ARHGAP26: variants seen among roughly 807,000 people sequenced by gnomAD.
ARHGAP26 encodes the protein Rho GTPase activating protein 26, also known as rho GTPase-activating protein 26.
In ARHGAP26, 38 loss-of-function variants were observed where a neutral mutation model predicts 104.8. The ratio of observed to expected loss-of-function variants is 0.36; its 90% CI spans 0.28 to 0.48. The LOEUF (loss-of-function observed/expected upper bound fraction) is 0.48, where lower values mean the gene tolerates loss of function less well. Ranked by LOEUF, ARHGAP26 falls within the 20% of genes least tolerant of loss-of-function variation. The pLI is 0.99. For synonymous variants in ARHGAP26, 341 were observed against 340.0 expected, an observed-to-expected ratio of 1.00 and a Z score of -0.03; for missense variants, 704 against 947.9, an observed-to-expected ratio of 0.74 and a Z score of 3.38.
At chr5:143,073,500 G>A (rs1303385635) in intron 17 of ARHGAP26, among the ~76,000 whole-genome samples, 1 of 152,176 alleles carries the variant, frequency 6.6e-6, no homozygotes, top group Non-Finnish European at 1.5e-5. Context: ...TATGGAAAAG[G>A]CACTGACTTA....
At chr5:142,808,650 T>A (rs1156413062) in intron 1 of ARHGAP26, among the ~76,000 whole-genome samples, 2 of 152,114 alleles carry the variant, frequency 1.3e-5, no homozygotes, top group East Asian at 3.9e-4. Flanking sequence ...AGGCTGGACA[T>A]TGACAATGAG....
chr5:142,855,532 G>C (rs529553877), intron 1 of ARHGAP26, among the ~76,000 whole-genome samples: 2 of 152,242 alleles, frequency 1.3e-5, no homozygotes, highest in Non-Finnish European at 1.5e-5. Flanking sequence ...TTATGCACTA[G>C]GCCTATATCC....
intron 1 of ARHGAP26, among the ~76,000 whole-genome samples, chr5:142,856,620 G>C (rs963063955): frequency 4.6e-5 from 7 of 152,120 alleles, no homozygotes; most frequent in African/African-American, 1.7e-4. Context: ...AGTCAACTGC[G>C]GATGGAGAAT....
chr5:142,991,834 C>G (rs1049539411), intron 11 of ARHGAP26, among the ~76,000 whole-genome samples: 24 of 152,136 alleles, frequency 1.6e-4, no homozygotes, highest in African/African-American at 5.8e-4. Flanking sequence ...AATTGCCTAA[C>G]AACGCATTTC....
intron 20 of ARHGAP26, among the ~76,000 whole-genome samples, chr5:143,190,543 A>G (rs1805789574): frequency 6.6e-6 from 1 of 150,968 alleles, no homozygotes; most frequent in African/African-American, 2.5e-5. Context: ...TCTCAAATGA[A>G]AGTGAAATAA....
chr5:143,112,467 C>A (rs1382742439), intron 17 of ARHGAP26, among the ~76,000 whole-genome samples: 1 of 151,636 alleles, frequency 6.6e-6, no homozygotes, highest in Non-Finnish European at 1.5e-5. Flanking sequence ...TTTGTTGTTA[C>A]TGTAAAATAC....
At chr5:142,778,657 GA>G (rs907886377) in intron 1 of ARHGAP26, among the ~76,000 whole-genome samples, 39 of 152,278 alleles carry the variant, frequency 2.6e-4, no homozygotes, top group Non-Finnish European at 5.0e-4. Flanking sequence ...TTCACTATTA[GA>G]AGGCGTGCTG....
Position 143,222,363 on chromosome 5 carries a change from C to A in ARHGAP26, c.2197C>A (p.Pro733Thr). The change falls in exon 23 of 23, where the codon CCA (proline) becomes ACA (threonine). Residue 733 changes from proline (P) to threonine (T), a missense_variant. This residue lies in a region of ARHGAP26 where 217 missense variants were observed against 242.6 expected (regional missense o/e 0.89). Coordinates refer to ENST00000645722, the MANE Select transcript of ARHGAP26 (RefSeq NM_001135608.3). ...TCTCTCCCCTTCCTGTACAGTTCACCCATCTCAGGAGCCTGGCTGGTTGGA... is the reference window on the plus strand; with the variant it reads ...TCTCTCCCCTTCCTGTACAGTTCACACATCTCAGGAGCCTGGCTGGTTGGA... ...TAGTVFDNVH[P>T]SQEPGWLEGT... The A allele has an allele frequency of 6.3e-7, 1 of 1,595,348 alleles. No homozygotes were observed.
chr5:142,820,770 A>G (rs1271904254), intron 1 of ARHGAP26, among the ~76,000 whole-genome samples: 1 of 152,180 alleles, frequency 6.6e-6, no homozygotes, highest in African/African-American at 2.4e-5. Flanking sequence ...AGAATGAAAC[A>G]TTTTTAAGCA....
chr5:142,963,756 T>C (rs1027935112), intron 11 of ARHGAP26, among the ~76,000 whole-genome samples: 3 of 152,230 alleles, frequency 2.0e-5, no homozygotes, highest in African/African-American at 7.2e-5. Context: ...GCTTATCTTC[T>C]GTGCAGCCCA....
At chr5:143,104,077 C>T (rs1793658160) in intron 17 of ARHGAP26, among the ~76,000 whole-genome samples, 1 of 149,168 alleles carries the variant, frequency 6.7e-6, no homozygotes, top group Non-Finnish European at 1.5e-5. Context: ...TTCAAAATAG[C>T]AATACCTTAT....
At chr5:143,209,909 G>A (rs258815) in intron 21 of ARHGAP26, among the ~76,000 whole-genome samples, 49,164 of 152,060 alleles carry the variant, frequency 0.32, 8,837 homozygotes, top group East Asian at 0.68. Flanking sequence ...ACACTGTAGT[G>A]TATAGCAAAG....
At chr5:143,042,484 T>G (rs1184234732) in intron 14 of ARHGAP26, among the ~76,000 whole-genome samples, 1 of 152,222 alleles carries the variant, frequency 6.6e-6, no homozygotes, top group African/African-American at 2.4e-5. Context: ...ATGTGCAGTA[T>G]TTGAATCAAA....
intron 11 of ARHGAP26, among the ~76,000 whole-genome samples, chr5:142,955,298 C>T (rs1023044545): frequency 6.6e-6 from 1 of 151,596 alleles, no homozygotes; most frequent in African/African-American, 2.4e-5. Flanking sequence ...GAGACCCTGT[C>T]TCAAAAAAAA....
chr5:142,933,597 G>A (rs1334068093), intron 11 of ARHGAP26, among the ~76,000 whole-genome samples: 1 of 152,154 alleles, frequency 6.6e-6, no homozygotes, highest in Non-Finnish European at 1.5e-5. Flanking sequence ...TTCCCACATT[G>A]CTCCAGTCAT....
At chr5:143,186,029 G>T (rs1805083908) in intron 20 of ARHGAP26, among the ~76,000 whole-genome samples, 2 of 152,160 alleles carry the variant, frequency 1.3e-5, no homozygotes, top group Admixed American at 6.5e-5. Flanking sequence ...AGAGGCCATG[G>T]CTCAGAAGGA....
intron 6 of ARHGAP26, among the ~76,000 whole-genome samples, chr5:142,899,621 C>T (rs538263198): frequency 1.3e-5 from 2 of 152,116 alleles, no homozygotes; most frequent in South Asian, 4.1e-4. Flanking sequence ...AGACAGCTCC[C>T]CCATCTCTGG....
chr5:143,161,442 T>C (rs975492588), intron 20 of ARHGAP26, among the ~76,000 whole-genome samples: 1 of 152,224 alleles, frequency 6.6e-6, no homozygotes, highest in Non-Finnish European at 1.5e-5. Context: ...AGTTCAATTA[T>C]GTTGAGCTAT....
chr5:142,976,554 G>A (rs1357058205), intron 11 of ARHGAP26, among the ~76,000 whole-genome samples: 1 of 152,150 alleles, frequency 6.6e-6, no homozygotes, highest in Non-Finnish European at 1.5e-5. Context: ...CATAATAGAT[G>A]TATCCATCCA....
Sources: gnomAD v4.1 joint callset for allele counts (sites outside exome capture counted in the v4.1 genomes callset) on GRCh38, gnomAD v4.1.1 for gene constraint, gnomAD v4.1.1 regional missense constraint, MANE v1.5 for transcripts, NCBI Gene and HGNC (gene_info 2026-07-23, HGNC 2026-07-21) for gene names.